The following DLG2 variants were observed in gnomAD, a reference collection of about 807,000 sequenced individuals.
The protein encoded by DLG2 is discs large MAGUK scaffold protein 2, also known as disks large homolog 2.
DLG2 carries 45 observed loss-of-function variants against 132.5 expected under a neutral mutation model. That is an observed-to-expected ratio of 0.34 (90% CI 0.27 to 0.44). The LOEUF is 0.44. Ranked by LOEUF, DLG2 falls within the 20% of genes least tolerant of loss-of-function variation. The pLI is 1.00. For synonymous variants in DLG2, 424 were observed against 419.6 expected, an observed-to-expected ratio of 1.01 and a Z score of -0.13; for missense variants, 1,045 against 1,196.9, an observed-to-expected ratio of 0.87 and a Z score of 1.87.
At chr11:85,284,725 T>C (rs1256498952) in intron 4 of DLG2, among the ~76,000 whole-genome samples, 4 of 151,856 alleles carry the variant, frequency 2.6e-5, no homozygotes, top group Non-Finnish European at 4.4e-5. Context: ...AATTAGTTAC[T>C]ACTAATATAT....
chr11:84,542,532 T>C (rs1470617055), intron 6 of DLG2, among the ~76,000 whole-genome samples: 1 of 152,184 alleles, frequency 6.6e-6, no homozygotes, highest in Non-Finnish European at 1.5e-5. Flanking sequence ...GAATGCTACA[T>C]ACATAGTGTG....
chr11:84,529,334 G>T (rs1338200003), intron 7 of DLG2, among the ~76,000 whole-genome samples: 1 of 152,090 alleles, frequency 6.6e-6, no homozygotes, highest in African/African-American at 2.4e-5. Context: ...CATCCAAATA[G>T]GAAGAGAAGG....
intron 3 of DLG2, among the ~76,000 whole-genome samples, chr11:85,455,443 T>C (rs775568011): frequency 2.6e-5 from 4 of 152,216 alleles, no homozygotes; most frequent in Non-Finnish European, 5.9e-5. Flanking sequence ...TAGAGTTTGC[T>C]AGATATTGAA....
chr11:83,631,221 C>T (rs2063511637), intron 19 of DLG2: 2 of 138,370 alleles, frequency 1.4e-5, no homozygotes, highest in Non-Finnish European at 1.5e-5. Context: ...AGAATAAGGC[C>T]AGGGGGCTCT....
At chr11:83,737,828 C>T (rs1204494799) in intron 18 of DLG2, among the ~76,000 whole-genome samples, 1 of 152,072 alleles carries the variant, frequency 6.6e-6, no homozygotes, top group Admixed American at 6.6e-5. Context: ...TGGTGGGTGC[C>T]TGTAAAAGGG....
intron 6 of DLG2, among the ~76,000 whole-genome samples, chr11:85,002,472 G>A (rs891767963): frequency 1.3e-5 from 2 of 152,162 alleles, no homozygotes; most frequent in Non-Finnish European, 2.9e-5. Flanking sequence ...ACTATCAGAA[G>A]TCTGTGGAGG....
At chr11:84,771,688 C>A (rs1288484350) in intron 6 of DLG2, among the ~76,000 whole-genome samples, 1 of 152,114 alleles carries the variant, frequency 6.6e-6, no homozygotes, top group Non-Finnish European at 1.5e-5. Context: ...ATCACAAAGA[C>A]ACACCAAAAT....
chr11:84,251,815 AT>A (rs1346098013), intron 7 of DLG2, among the ~76,000 whole-genome samples: 9 of 151,714 alleles, frequency 5.9e-5, no homozygotes, highest in African/African-American at 2.2e-4. Flanking sequence ...TAACTGCTGT[AT>A]TTTTAGTAGA....
chr11:84,285,556 A>G (rs2097901471), intron 7 of DLG2, among the ~76,000 whole-genome samples: 1 of 152,184 alleles, frequency 6.6e-6, no homozygotes, highest in South Asian at 2.1e-4. Flanking sequence ...TTCACTGTGC[A>G]TCGTAGGAGG....
intron 3 of DLG2, among the ~76,000 whole-genome samples, chr11:85,445,117 G>A (rs2091949476): frequency 6.6e-6 from 1 of 152,150 alleles, no homozygotes; most frequent in South Asian, 2.1e-4. Flanking sequence ...CAAAAATGCT[G>A]TACCTGGTAG....
intron 3 of DLG2, among the ~76,000 whole-genome samples, chr11:85,331,531 C>T (rs986532134): frequency 1.3e-5 from 2 of 151,870 alleles, no homozygotes; most frequent in Admixed American, 6.6e-5. Context: ...AATTGCATGC[C>T]ACTGGGATTT....
At chr11:84,704,228 T>C (rs1295207825) in intron 6 of DLG2, among the ~76,000 whole-genome samples, 2 of 151,502 alleles carry the variant, frequency 1.3e-5, no homozygotes, top group Non-Finnish European at 3.0e-5. Context: ...CTCACATCCC[T>C]ACCTCTATGA....
At chr11:84,354,208 G>A (rs965648729) in intron 7 of DLG2, among the ~76,000 whole-genome samples, 1 of 152,048 alleles carries the variant, frequency 6.6e-6, no homozygotes, top group Admixed American at 6.5e-5. Flanking sequence ...ATAATCCAAT[G>A]TATAAAAATG....
intron 18 of DLG2, among the ~76,000 whole-genome samples, chr11:83,648,823 T>C (rs1173739867): frequency 6.6e-6 from 1 of 152,134 alleles, no homozygotes; most frequent in Non-Finnish European, 1.5e-5. Context: ...ATGTCAACAT[T>C]GGGAAAAGGC....
intron 6 of DLG2, among the ~76,000 whole-genome samples, chr11:84,559,029 CA>C (rs1272449471): frequency 5.9e-5 from 9 of 152,104 alleles, no homozygotes; most frequent in Admixed American, 6.6e-5. Flanking sequence ...AGAGTCATGA[CA>C]GATTTTTCTT....
At chr11:85,312,480 CT>C (rs1479295537) in intron 3 of DLG2, among the ~76,000 whole-genome samples, 1 of 151,246 alleles carries the variant, frequency 6.6e-6, no homozygotes, top group Non-Finnish European at 1.5e-5. Context: ...ATTTAACATT[CT>C]TTGAGATGTT....
At chr11:83,537,834 A>AAG (rs1491039391) in intron 20 of DLG2, among the ~76,000 whole-genome samples, 15 of 110,784 alleles carry the variant, frequency 1.4e-4, no homozygotes, top group East Asian at 5.1e-4. Flanking sequence ...AAAAAAAAAA[A>AAG]AGAGAGAGAG....
chr11:83,753,820 ATT>A (rs201988506), intron 18 of DLG2, among the ~76,000 whole-genome samples: 12 of 70,006 alleles, frequency 1.7e-4, no homozygotes, highest in African/African-American at 1.3e-3. Context: ...TCATATATAT[ATT>A]TCATATATAT....
intron 6 of DLG2, among the ~76,000 whole-genome samples, chr11:84,867,153 G>A (rs777881207): frequency 6.6e-6 from 1 of 152,148 alleles, no homozygotes; most frequent in Non-Finnish European, 1.5e-5. Context: ...AGTCATTTCC[G>A]GCCCTCAAGG....
Sources: gnomAD v4.1 joint callset for allele counts (sites outside exome capture counted in the v4.1 genomes callset) on GRCh38, gnomAD v4.1.1 for gene constraint, MANE v1.5 for transcripts, NCBI Gene and HGNC (gene_info 2026-07-23, HGNC 2026-07-21) for gene names.